The following SLF1 variants were observed in gnomAD, a reference collection of about 807,000 sequenced individuals.
SLF1 encodes the protein SMC5-SMC6 complex localization factor protein 1.
Under a neutral mutation model 123.0 loss-of-function variants are expected in SLF1, and 105 were observed. The observed-to-expected ratio is 0.85, with a 90% confidence interval of 0.73 to 1.00. The LOEUF (loss-of-function observed/expected upper bound fraction) is 1.00, where lower values mean the gene tolerates loss of function less well. Among genes scored for constraint, SLF1 ranks in the 50% least tolerant of loss-of-function variants. The pLI is 0.00. For synonymous variants in SLF1, 434 were observed against 406.6 expected, an observed-to-expected ratio of 1.07 and a Z score of -0.81; for missense variants, 1,239 against 1,223.0, an observed-to-expected ratio of 1.01 and a Z score of -0.20.
chr5:94,619,729 C>T (rs1353346236), intron 1 of SLF1, among the ~76,000 whole-genome samples: 1 of 152,134 alleles, frequency 6.6e-6, no homozygotes, highest in East Asian at 1.9e-4. Context: ...TGCCTCAATT[C>T]TTGGAAATAC....
intron 15 of SLF1, among the ~76,000 whole-genome samples, chr5:94,684,646 C>T (rs867562424): frequency 8.5e-5 from 12 of 141,028 alleles, no homozygotes; most frequent in African/African-American, 3.2e-4. Context: ...TGCAGTGAGC[C>T]GAGATCACGC....
intron 12 of SLF1, 49 bp downstream of exon 12, chr5:94,666,073 A>G (rs1190841677): frequency 1.5e-5 from 22 of 1,433,958 alleles, no homozygotes; most frequent in Non-Finnish European, 1.9e-5. Flanking sequence ...AGTAGTTGTT[A>G]TGCTAATTAT....
intron 4 of SLF1, 22 bp from the exon 5 acceptor site, chr5:94,643,251 T>C: frequency 1.4e-6 from 2 of 1,480,834 alleles, no homozygotes; most frequent in Non-Finnish European, 9.0e-7. Flanking sequence ...AATACTTTTA[T>C]ACCATTTACA....
At chr5:94,687,431 C>G (rs542649375) in intron 16 of SLF1, among the ~76,000 whole-genome samples, 1 of 152,224 alleles carries the variant, frequency 6.6e-6, no homozygotes, top group African/African-American at 2.4e-5. Context: ...GCATGATGGC[C>G]CCTGCCTATA....
intron 12 of SLF1, 86 bp downstream of exon 12, chr5:94,666,110 ATCTT>A: frequency 1.6e-6 from 2 of 1,277,098 alleles, no homozygotes; most frequent in South Asian, 3.3e-5. Context: ...TGAAAGAAGT[ATCTT>A]TCTACTTTTG....
intron 1 of SLF1, among the ~76,000 whole-genome samples, chr5:94,621,031 T>C (rs1329485619): frequency 1.3e-5 from 2 of 152,234 alleles, no homozygotes; most frequent in Non-Finnish European, 2.9e-5. Flanking sequence ...AGAAATGCTT[T>C]GAAATTTTAG....
chr5:94,634,432 TTGTC>T (rs1361652436), intron 4 of SLF1, among the ~76,000 whole-genome samples: 1 of 152,226 alleles, frequency 6.6e-6, no homozygotes, highest in African/African-American at 2.4e-5. Context: ...AAAATAGTAT[TTGTC>T]TTTCTGTGCT....
chr5:94,639,564 A>G (rs1413441330), intron 4 of SLF1, among the ~76,000 whole-genome samples: 3 of 152,310 alleles, frequency 2.0e-5, no homozygotes, highest in East Asian at 1.9e-4. Flanking sequence ...CAGTTGAACA[A>G]TGTGGGATTG....
intron 11 of SLF1, among the ~76,000 whole-genome samples, chr5:94,665,126 A>C (rs944783321): frequency 1.3e-5 from 2 of 152,192 alleles, no homozygotes; most frequent in African/African-American, 4.8e-5. Flanking sequence ...GGCAGGAATT[A>C]TCTTTATTTT....
chr5:94,649,414 C>T lies in SLF1; in HGVS notation c.595-40C>T, dbSNP rs888858881. 16 of 1,385,726 alleles carry T rather than the reference C, an allele frequency of 1.2e-5. No individual in the cohort carries two copies. The Admixed American group carries it at 4.0e-4, about 35-fold the overall frequency. The allele number at this position is 1,385,726 out of a possible 1,614,324, so 85.8% of individuals were successfully genotyped here. A position where few individuals can be genotyped will look rare whatever the true frequency, so the allele number is the denominator to read the frequency against. ...TAAAACGTACATAATATTGAAAATA[C>T]ACTTAGATGATTGCCTAAACCATTT... On this transcript the variant is annotated intron_variant, in intron 5 of 20. Coordinates refer to ENST00000265140, the MANE Select transcript of SLF1 (RefSeq NM_032290.4).
In SLF1 at chr5:94,696,177, G is replaced by A. The variant is rs111494962; in HGVS notation, c.*865G>A. The A allele has an allele frequency of 2.0e-4, 30 of 151,866 alleles. No homozygotes were observed. The highest frequency in any genetic ancestry group is 6.3e-4 in the African/African-American group (26 of 41,514). The allele number at this position is 151,866 out of a possible 1,614,324, so 9.4% of individuals were successfully genotyped here. ...CAGTTTGTAGTAAAACTAAAAGAAA[G>A]GGTGTGGATAATAACCACTTTTGAG... On this transcript the variant is annotated 3_prime_UTR_variant, in exon 21 of 21. Transcript: ENST00000265140.
chr5:94,621,964 T>C (rs1255383307), intron 1 of SLF1, among the ~76,000 whole-genome samples: 1 of 151,890 alleles, frequency 6.6e-6, no homozygotes, highest in African/African-American at 2.4e-5. Context: ...AAATAGACAC[T>C]GTGTCTTTAA....
In SLF1 at chr5:94,695,772, A is replaced by C. The variant is rs1318883375; in HGVS notation, c.*460A>C. 6.6e-6 allele frequency: 1 copy of C among 151,862 alleles called. No individual in the cohort carries two copies. The highest frequency in any genetic ancestry group is 2.4e-5 in the African/African-American group (1 of 41,410). 9.4% of individuals were successfully genotyped at this position (151,862 alleles called of 1,614,324 possible). ...GGAAAAAACAAGACTAAACAAAAAC[A>C]TGTAGCTCCCTATTTCTTCTCTCTA... is the stretch of plus-strand genomic sequence containing the variant. On this transcript the variant is annotated 3_prime_UTR_variant, in exon 21 of 21. Transcript: ENST00000265140.
chr5:94,655,939 C>G (rs1440185266), intron 9 of SLF1, among the ~76,000 whole-genome samples: 1 of 151,690 alleles, frequency 6.6e-6, no homozygotes, highest in Admixed American at 6.6e-5. Flanking sequence ...CCTTTTCTTT[C>G]TTTTCCTTGC....
intron 15 of SLF1, among the ~76,000 whole-genome samples, chr5:94,680,771 G>C (rs1585218981): frequency 6.6e-6 from 1 of 152,246 alleles, no homozygotes; most frequent in African/African-American, 2.4e-5. Flanking sequence ...CTAATATTCT[G>C]AATTTCCCTT....
chr5:94,633,112 C>T (rs1393532754), intron 4 of SLF1, among the ~76,000 whole-genome samples: 1 of 151,920 alleles, frequency 6.6e-6, no homozygotes, highest in Admixed American at 6.6e-5. Context: ...CTCAGCCTCC[C>T]GAGTAGCTGG....
In SLF1 at chr5:94,663,775, G is replaced by A; in HGVS notation, c.1235G>A (p.Gly412Asp). The A allele has an allele frequency of 1.3e-6, 2 of 1,543,198 alleles. No homozygotes were observed. The highest frequency in any genetic ancestry group is 1.4e-5 in the African/African-American group (1 of 72,796). The change falls in exon 11 of 21, where the codon GGT (glycine) becomes GAT (aspartate). Residue 412 changes from glycine to aspartate, a missense_variant. Gly to Asp is a moderately conservative substitution (Grantham distance 94). Transcript: ENST00000265140. ...GTTAAAAATGCTGAATTTCCCAGAGGTGTATTAAATTTAATTGAAAGCCTC... is the reference window on the plus strand; with the variant it reads ...GTTAAAAATGCTGAATTTCCCAGAGATGTATTAAATTTAATTGAAAGCCTC... ...VEVKNAEFPR[G>D]VLNLIESLIE... is the part of the protein sequence containing the mutation.
Position 94,662,470 on chromosome 5 carries a change from G to A in SLF1, c.1209+119G>A, listed in dbSNP as rs1281552096. The A allele has an allele frequency of 2.3e-5, 17 of 742,184 alleles. No homozygotes were observed. The South Asian group carries it at 6.0e-4, about 26-fold the overall frequency. 46.0% of individuals were successfully genotyped at this position (742,184 alleles called of 1,614,324 possible). On this transcript the variant is annotated intron_variant, in intron 10 of 20. Transcript: ENST00000265140. ...CACAATAAAAGGTAACGTATTATAT[G>A]CACAAATAAAGAAATATAGCTTCTC...
chr5:94,653,464 T>G (rs1368439385), intron 8 of SLF1, 43 bp downstream of exon 8: 5 of 1,446,690 alleles, frequency 3.5e-6, no homozygotes, highest in South Asian at 1.4e-5. Context: ...TTTTATTTTT[T>G]GGCTGTTCTC....
Sources: gnomAD v4.1 joint callset for allele counts (sites outside exome capture counted in the v4.1 genomes callset) on GRCh38, gnomAD v4.1.1 for gene constraint, MANE v1.5 for transcripts, NCBI Gene and HGNC (gene_info 2026-07-23, HGNC 2026-07-21) for gene names.